KCNMB2: variants seen among roughly 807,000 people sequenced by gnomAD.
KCNMB2 encodes potassium calcium-activated channel subfamily M regulatory beta subunit 2.
Under a neutral mutation model 24.5 loss-of-function variants are expected in KCNMB2, and 9 were observed. The ratio of observed to expected loss-of-function variants is 0.37; its 90% CI spans 0.22 to 0.64. The LOEUF is 0.64. Ranked by LOEUF, KCNMB2 falls within the 30% of genes least tolerant of loss-of-function variation. The pLI, the probability that KCNMB2 is intolerant of heterozygous loss-of-function variation, is 0.63. For missense variants in KCNMB2, 226 were observed against 284.3 expected (o/e 0.79, Z 1.47); for synonymous variants, 109 against 104.4 (o/e 1.04, Z -0.27).
chr3:178,684,772 G>A (rs535823639), intron 1 of KCNMB2, among the ~76,000 whole-genome samples: 8 of 152,146 alleles, frequency 5.3e-5, no homozygotes, highest in South Asian at 2.1e-4. Context: ...TGGAGGTTGC[G>A]GTGAGCCGAG....
chr3:178,652,447 C>T (rs1039854248), intron 1 of KCNMB2, among the ~76,000 whole-genome samples: 1 of 149,638 alleles, frequency 6.7e-6, no homozygotes, highest in African/African-American at 2.5e-5. Context: ...GCACATGTAC[C>T]CCAGAACTTG....
intron 1 of KCNMB2, among the ~76,000 whole-genome samples, chr3:178,658,167 G>A (rs28562694): frequency 0.012 from 1,877 of 152,304 alleles, 28 homozygotes; most frequent in African/African-American, 0.042. Context: ...AGGAAAGGAA[G>A]TGATGACAAA....
intron 1 of KCNMB2, among the ~76,000 whole-genome samples, chr3:178,562,567 A>G (rs1290488100): frequency 6.6e-6 from 1 of 152,216 alleles, no homozygotes; most frequent in African/African-American, 2.4e-5. Flanking sequence ...CTGTCAATAA[A>G]CTATACACTC....
chr3:178,740,282 C>T (rs1305893938), intron 1 of KCNMB2, among the ~76,000 whole-genome samples: 1 of 152,036 alleles, frequency 6.6e-6, no homozygotes, highest in African/African-American at 2.4e-5. Context: ...CCACACCTGG[C>T]TAATTTTTTT....
At chr3:178,734,988 C>T (rs1461852533) in intron 1 of KCNMB2, among the ~76,000 whole-genome samples, 1 of 152,214 alleles carries the variant, frequency 6.6e-6, no homozygotes, top group Non-Finnish European at 1.5e-5. Flanking sequence ...ATATCCTCAT[C>T]ATGATTTATC....
chr3:178,655,657 G>C (rs572797902), intron 1 of KCNMB2, among the ~76,000 whole-genome samples: 67 of 152,322 alleles, frequency 4.4e-4, no homozygotes, highest in Middle Eastern at 3.4e-3. Flanking sequence ...AAGGGCGACA[G>C]TGCTGTGGTT....
chr3:178,742,829 A>G (rs569123504), intron 1 of KCNMB2, among the ~76,000 whole-genome samples: 2 of 152,174 alleles, frequency 1.3e-5, no homozygotes, highest in African/African-American at 4.8e-5. Flanking sequence ...GTGGGGTATC[A>G]TTTTTCATCA....
chr3:178,822,790 AC>A (rs1428484518), intron 2 of KCNMB2, among the ~76,000 whole-genome samples: 4 of 152,206 alleles, frequency 2.6e-5, no homozygotes, highest in African/African-American at 9.6e-5. Flanking sequence ...TTTGAATTAC[AC>A]GTTTGAATCA....
intron 1 of KCNMB2, among the ~76,000 whole-genome samples, chr3:178,763,535 T>C (rs1711996519): frequency 1.3e-5 from 2 of 152,206 alleles, no homozygotes; most frequent in African/African-American, 4.8e-5. Context: ...CAAAAAGCTA[T>C]TGCATAGAGA....
chr3:178,722,778 A>C (rs183579985), intron 1 of KCNMB2, among the ~76,000 whole-genome samples: 79 of 152,288 alleles, frequency 5.2e-4, no homozygotes, highest in Admixed American at 4.1e-3. Context: ...TTGTGGTCCC[A>C]GTTACTCAGC....
chr3:178,673,243 C>G (rs1720965883), intron 1 of KCNMB2, among the ~76,000 whole-genome samples: 1 of 152,116 alleles, frequency 6.6e-6, no homozygotes. Flanking sequence ...TATGGCTGGA[C>G]ACAAGCATAC....
intron 1 of KCNMB2, among the ~76,000 whole-genome samples, chr3:178,616,758 G>C (rs576426803): frequency 6.6e-6 from 1 of 152,278 alleles, no homozygotes; most frequent in East Asian, 1.9e-4. Context: ...CCTGCCTCCT[G>C]TGGGGTTGGT....
At chr3:178,665,277 G>A (rs1720679065) in intron 1 of KCNMB2, among the ~76,000 whole-genome samples, 1 of 152,132 alleles carries the variant, frequency 6.6e-6, no homozygotes, top group Admixed American at 6.6e-5. Context: ...CAAGAGAAGA[G>A]AGGTTCATGT....
At chr3:178,598,366 A>G (rs539480297) in intron 1 of KCNMB2, among the ~76,000 whole-genome samples, 16 of 151,982 alleles carry the variant, frequency 1.1e-4, no homozygotes, top group African/African-American at 3.9e-4. Flanking sequence ...ATATAGAGAT[A>G]GAGTGACCAG....
At chr3:178,841,852 C>T (rs986157073) in intron 4 of KCNMB2, among the ~76,000 whole-genome samples, 3 of 151,850 alleles carry the variant, frequency 2.0e-5, no homozygotes, top group South Asian at 2.1e-4. Context: ...AAATACAGAG[C>T]GGAGAGACAT....
At position 178,843,057 on chromosome 3, in the gene KCNMB2, T is replaced by C; in HGVS notation, c.*120T>C. The C allele has an allele frequency of 3.8e-6, 3 of 782,088 alleles. No homozygotes were observed. Among genetic ancestry groups the C allele is most frequent in the Non-Finnish European group, 6.2e-6 (3 of 481,826 alleles). 48.4% of individuals were successfully genotyped at this position (782,088 alleles called of 1,614,324 possible). Reference sequence around the variant, plus strand: ...TTATGAGTTCCCTAATATATTCTTATATGTAGAGCAATAATGCAAAAGCTG... The same window carrying C: ...TTATGAGTTCCCTAATATATTCTTACATGTAGAGCAATAATGCAAAAGCTG... On this transcript the variant is annotated 3_prime_UTR_variant, in exon 5 of 5. Transcript: ENST00000452583.
chr3:178,750,157 T>C (rs754544626), intron 1 of KCNMB2, among the ~76,000 whole-genome samples: 15 of 151,648 alleles, frequency 9.9e-5, no homozygotes, highest in Non-Finnish European at 2.2e-4. Context: ...CAATGGGAAT[T>C]AAAATAATCC....
At chr3:178,813,983 TTGC>T (rs777105352) in intron 2 of KCNMB2, among the ~76,000 whole-genome samples, 11,143 of 127,194 alleles carry the variant, frequency 0.088, 646 homozygotes, top group African/African-American at 0.17. Flanking sequence ...GTTGTTGTTG[TTGC>T]TGCTGCTGCT....
chr3:178,749,816 T>C (rs887510720), intron 1 of KCNMB2, among the ~76,000 whole-genome samples: 33 of 152,180 alleles, frequency 2.2e-4, no homozygotes, highest in African/African-American at 7.5e-4. Context: ...ATTGAACAGA[T>C]TGGAAAATAG....
Sources: gnomAD v4.1 joint callset for allele counts (sites outside exome capture counted in the v4.1 genomes callset) on GRCh38, gnomAD v4.1.1 for gene constraint, MANE v1.5 for transcripts, NCBI Gene and HGNC (gene_info 2026-07-23, HGNC 2026-07-21) for gene names.